Variants in DIP2C observed in about 807,000 individuals in gnomAD.
The protein encoded by DIP2C is disco-interacting protein 2 homolog C.
In DIP2C, 33 loss-of-function variants were observed where a neutral mutation model predicts 192.4. That is an observed-to-expected ratio of 0.17 (90% CI 0.13 to 0.23). DIP2C has a LOEUF of 0.23. Among genes scored for constraint, DIP2C ranks in the 10% least tolerant of loss-of-function variants. The pLI, the probability that DIP2C is intolerant of heterozygous loss-of-function variation, is 1.00. For missense variants in DIP2C, 1,537 were observed against 2,110.1 expected (o/e 0.73, Z 5.32); for synonymous variants, 979 against 864.1 (o/e 1.13, Z -2.33).
At chr10:406,457 A>T (rs533876494) in intron 9 of DIP2C, among the ~76,000 whole-genome samples, 1 of 152,314 alleles carries the variant, frequency 6.6e-6, no homozygotes, top group African/African-American at 2.4e-5. Flanking sequence ...GGACTACTCT[A>T]GGGATGTCAT....
At chr10:383,219 C>G (rs547823388) in intron 16 of DIP2C, among the ~76,000 whole-genome samples, 42 of 152,250 alleles carry the variant, frequency 2.8e-4, no homozygotes, top group African/African-American at 9.9e-4. Context: ...GGGTTAAAAC[C>G]AATTGTTCAT....
At chr10:348,861 G>T in intron 25 of DIP2C, 99 bp from the exon 26 acceptor site, 1 of 1,531,698 alleles carries the variant, frequency 6.5e-7, no homozygotes. Context: ...AGTTCAACAG[G>T]GAAACGAGCA....
intron 1 of DIP2C, among the ~76,000 whole-genome samples, chr10:567,358 A>AT (rs994538445): frequency 6.6e-6 from 1 of 151,940 alleles, no homozygotes; most frequent in South Asian, 2.1e-4. Context: ...CACCCAGCTA[A>AT]TTTTTTTATT....
chr10:296,214 A>G (rs141342277), intron 32 of DIP2C, among the ~76,000 whole-genome samples: 4,199 of 152,218 alleles, frequency 0.028, 91 homozygotes, highest in Admixed American at 0.055. Flanking sequence ...GTCCTGAATG[A>G]TATTGCCTAG....
At position 363,981 on chromosome 10, in the gene DIP2C, A is replaced by G. The variant is rs947073398; in HGVS notation, c.2477+393T>C. ...GCAAGGCAGGGAGAAGAAAACTGGT[A>G]GAGCGGGGAGGTGGCGAGCGTCTGC... On this transcript the variant is annotated intron_variant, in intron 20 of 36. Coordinates refer to ENST00000280886, the MANE Select transcript of DIP2C (RefSeq NM_014974.3). The surrounding 1 kb of genome is among the most constrained non-coding windows in gnomAD (Gnocchi z 5.4). Among the ~76,000 whole-genome samples the G allele has an allele frequency of 1.3e-5, 2 of 152,242 alleles. No homozygotes were observed. Among genetic ancestry groups the G allele is most frequent in the African/African-American group, 4.8e-5 (2 of 41,464 alleles).
At chr10:531,583 A>G (rs1847374379) in intron 1 of DIP2C, among the ~76,000 whole-genome samples, 1 of 152,178 alleles carries the variant, frequency 6.6e-6, no homozygotes. Context: ...CTATCGCCCT[A>G]AAGCCAACTC....
At position 337,050 on chromosome 10, in the gene DIP2C, G is replaced by A. The variant is rs113836098; in HGVS notation, c.3584+4149C>T. Among the ~76,000 whole-genome samples the A allele has an allele frequency of 2.0e-3, 13 of 6,490 alleles. 1 individual carries two copies. The highest frequency in any genetic ancestry group is 4.0e-3 in the African/African-American group (8 of 1,976). 4.3% of individuals were successfully genotyped at this position (6,490 alleles called of 152,430 possible). On this transcript the variant is annotated intron_variant, in intron 29 of 36. Transcript: ENST00000280886. ...GTGTGTGTTGTGGAGGCCTAGACTG[G>A]TGTGTGTGTGTGTGTGTGTGTGTTG...
At chr10:596,458 T>C (rs1851703950) in intron 1 of DIP2C, among the ~76,000 whole-genome samples, 1 of 122,834 alleles carries the variant, frequency 8.1e-6, no homozygotes, top group African/African-American at 3.3e-5. Flanking sequence ...ATCATGCCAT[T>C]GCACTTCAGC....
Position 341,194 on chromosome 10 carries a change from C to T in DIP2C, c.3584+5G>A. The T allele has an allele frequency of 3.7e-6, 6 of 1,614,078 alleles. No individual in the cohort carries two copies. The highest frequency in any genetic ancestry group is 5.1e-6 in the Non-Finnish European group (6 of 1,180,022). On this transcript the variant is annotated splice_donor_5th_base_variant and intron_variant, in intron 29 of 36. Coordinates refer to ENST00000280886, the MANE Select transcript of DIP2C (RefSeq NM_014974.3). ...TTAATGTAAAGATATAGAGAGGCAT[C>T]TTACCTGCAGAGGCACCAGAGGACA...
intron 1 of DIP2C, among the ~76,000 whole-genome samples, chr10:501,373 C>A (rs61831007): frequency 0.035 from 5,365 of 152,232 alleles, 181 homozygotes; most frequent in African/African-American, 0.086. Flanking sequence ...GTCCTATACT[C>A]ATTGATACAT....
At chr10:437,373 G>A (rs529433139) in intron 4 of DIP2C, among the ~76,000 whole-genome samples, 2 of 150,966 alleles carry the variant, frequency 1.3e-5, no homozygotes, top group Non-Finnish European at 2.9e-5. Context: ...TGAGCTCTGA[G>A]CTCCGCCTCC....
chr10:631,737 C>T (rs939852988), intron 1 of DIP2C, among the ~76,000 whole-genome samples: 1 of 152,204 alleles, frequency 6.6e-6, no homozygotes, highest in African/African-American at 2.4e-5. Flanking sequence ...GGAATGACAC[C>T]TTCAAACACA....
rs145817610 is a variant in DIP2C at position 348,379 on chromosome 10, C to T, written c.3231+262G>A. 5.7e-3 allele frequency among the ~76,000 whole-genome samples: 870 copies of T among 152,290 alleles called. 6 individuals carry two copies. Among genetic ancestry groups the T allele is most frequent in the Non-Finnish European group, 7.3e-3 (495 of 68,024 alleles). On this transcript the variant is annotated intron_variant, in intron 26 of 36. Transcript: ENST00000280886. ...GAAGCCCGAGGAATGGTGGTGATGC[C>T]CTCTCTTGGGAGCCGTTTTCTCCAG...
At position 689,422 on chromosome 10, in the gene DIP2C, G is replaced by C; in HGVS notation, c.85+72C>G. ...CGGCCCCCGCCCCGCCGCAGGCCCCGCGCCCCCAGCCCTCCGCGCGCGGCC... is the reference window on the plus strand; with the variant it reads ...CGGCCCCCGCCCCGCCGCAGGCCCCCCGCCCCCAGCCCTCCGCGCGCGGCC... On this transcript the variant is annotated intron_variant, in intron 1 of 36. Transcript: ENST00000280886. The surrounding 1 kb of genome is among the most constrained non-coding windows in gnomAD (Gnocchi z 6.1). The C allele has an allele frequency of 1.1e-6, 1 of 898,926 alleles. No homozygotes were observed. Among genetic ancestry groups the C allele is most frequent in the Non-Finnish European group, 1.3e-6 (1 of 748,412 alleles). 55.7% of individuals were successfully genotyped at this position (898,926 alleles called of 1,614,324 possible).
intron 24 of DIP2C, among the ~76,000 whole-genome samples, chr10:352,267 T>TCTTGGC (rs1958854522): frequency 6.6e-6 from 1 of 152,252 alleles, no homozygotes; most frequent in Non-Finnish European, 1.5e-5. Flanking sequence ...CAAGAGTGTC[T>TCTTGGC]TTGAAAATGT....
chr10:651,772 C>G lies in DIP2C; in HGVS notation c.85+37722G>C, dbSNP rs1228145032. The G allele has an allele frequency of 1.1e-5, 3 of 272,698 alleles. No individual in the cohort carries two copies. Among genetic ancestry groups the G allele is most frequent in the African/African-American group, 2.3e-5 (1 of 44,246 alleles). The allele number at this position is 272,698 out of a possible 1,614,324, so 16.9% of individuals were successfully genotyped here. On this transcript the variant is annotated intron_variant, in intron 1 of 36. Transcript: ENST00000280886. This position sits in a 1 kb window ranked among gnomAD's most constrained non-coding sequence, Gnocchi z 4.1. ...GAGCTGAGAGGGGGCCTGGCATCGCCCACCCAGGTCATCAGTCATCATCAG... is the reference window on the plus strand; with the variant it reads ...GAGCTGAGAGGGGGCCTGGCATCGCGCACCCAGGTCATCAGTCATCATCAG...
At chr10:580,031 C>G (rs1490381588) in intron 1 of DIP2C, among the ~76,000 whole-genome samples, 1 of 152,048 alleles carries the variant, frequency 6.6e-6, no homozygotes, top group Non-Finnish European at 1.5e-5. Flanking sequence ...GTACACGCAT[C>G]TCTATCCAGT....
At position 318,487 on chromosome 10, in the gene DIP2C, G is replaced by A. The variant is rs151211256; in HGVS notation, c.3925-8395C>T. 1.7e-3 allele frequency among the ~76,000 whole-genome samples: 265 copies of A among 152,308 alleles called. 1 individual carries two copies. Among genetic ancestry groups the A allele is most frequent in the African/African-American group, 6.1e-3 (252 of 41,560 alleles). ...GTCAGCAGTGCAGACTTCAAGGTGTGGTGTCCTCACAAGAACAAGCTGCTG... is the reference window on the plus strand; with the variant it reads ...GTCAGCAGTGCAGACTTCAAGGTGTAGTGTCCTCACAAGAACAAGCTGCTG... On this transcript the variant is annotated intron_variant, in intron 31 of 36. Transcript: ENST00000280886.
intron 1 of DIP2C, among the ~76,000 whole-genome samples, chr10:570,394 C>A (rs1849711802): frequency 6.6e-6 from 1 of 152,218 alleles, no homozygotes; most frequent in East Asian, 1.9e-4. Context: ...ACCCCACACT[C>A]CCTAGGTCCT....
Sources: gnomAD v4.1 joint callset for allele counts (sites outside exome capture counted in the v4.1 genomes callset) on GRCh38, gnomAD v4.1.1 for gene constraint, Gnocchi (gnomAD v3.1) non-coding constraint, MANE v1.5 for transcripts, NCBI Gene and HGNC (gene_info 2026-07-23, HGNC 2026-07-21) for gene names.